MAT2B: variants seen among roughly 807,000 people sequenced by gnomAD.
MAT2B encodes the protein methionine adenosyltransferase 2 non-catalytic beta subunit, also known as methionine adenosyltransferase 2 subunit beta.
In MAT2B, 16 loss-of-function variants were observed where a neutral mutation model predicts 36.1. The ratio of observed to expected loss-of-function variants is 0.44; its 90% CI spans 0.30 to 0.67. The LOEUF is 0.67. MAT2B is among the 30% of genes least tolerant of loss of function. The pLI is 0.09. For synonymous variants in MAT2B, 148 were observed against 136.9 expected (o/e 1.08, Z -0.57); for missense variants, 332 against 398.2 (o/e 0.83, Z 1.42).
chr5:163,513,535 C>A lies in MAT2B; in HGVS notation c.259-20C>A. 1.5e-6 allele frequency: 2 copies of A among 1,378,880 alleles called. No homozygotes were observed. Among genetic ancestry groups the A allele is most frequent in the Non-Finnish European group, 2.0e-6 (2 of 977,534 alleles). 85.4% of individuals were successfully genotyped at this position (1,378,880 alleles called of 1,614,324 possible). ...TTCATTTTATTTTGAGTTAAAAATA[C>A]GTCAATGCTTAACTTCTAGCCCCAT... is the stretch of plus-strand genomic sequence containing the variant. On this transcript the variant is annotated intron_variant, in intron 2 of 6. Coordinates refer to ENST00000321757, the MANE Select transcript of MAT2B (RefSeq NM_013283.5).
chr5:163,512,942 A>G, intron 2 of MAT2B: 1 of 234,350 alleles, frequency 4.3e-6, no homozygotes, highest in South Asian at 4.3e-5. Context: ...CAGCCTTCCA[A>G]AGTGCTGGGA....
At chr5:163,516,783 T>G (rs780630662) in intron 5 of MAT2B, 72 bp downstream of exon 5, 1 of 1,541,250 alleles carries the variant, frequency 6.5e-7, no homozygotes, top group Non-Finnish European at 8.9e-7. Context: ...CTTTCACAGC[T>G]GTACTTGGAG....
chr5:163,517,997 A>C, intron 6 of MAT2B, 196 bp from the exon 7 acceptor site: 1 of 524,206 alleles, frequency 1.9e-6, no homozygotes, highest in East Asian at 3.0e-5. Context: ...TCATGCCTGT[A>C]ATCCCAACAC....
At chr5:163,508,918 G>C (rs1331942078) in intron 1 of MAT2B, among the ~76,000 whole-genome samples, 6 of 152,176 alleles carry the variant, frequency 3.9e-5, no homozygotes. Flanking sequence ...ACATGTTATA[G>C]GCCGGGCGTA....
intron 4 of MAT2B, 98 bp from the exon 5 acceptor site, chr5:163,516,420 G>C: frequency 1.1e-6 from 1 of 945,758 alleles, no homozygotes; most frequent in Non-Finnish European, 1.6e-6. Context: ...AAAAGGCAAG[G>C]TTTCTACTTT....
At position 163,513,991 on chromosome 5, in the gene MAT2B, C is replaced by T. The variant is rs1288285321; in HGVS notation, c.523C>T (p.Leu175=). The stretch of plus-strand genomic sequence containing the variant: ...AGAAAAGGCTGTCCTGGAGAACAAT[C>T]TAGGTAAGACCTAATCTATTTAGCC... The part of the protein sequence containing the change: ...DGEKAVLENN[L]GAAVLRIPIL... The change falls in exon 4 of 7, where the codon CTA becomes TTA. Residue 175 remains leucine (L), a synonymous_variant. Transcript: ENST00000321757. 6.2e-7 allele frequency: 1 copy of T among 1,611,146 alleles called. No homozygotes were observed. The highest frequency in any genetic ancestry group is 1.1e-5 in the South Asian group (1 of 90,412).
upstream of MAT2B, chr5:163,505,568 C>T: frequency 8.0e-7 from 1 of 1,245,762 alleles, no homozygotes; most frequent in Middle Eastern, 2.9e-4. Flanking sequence ...CCGGAAGCGG[C>T]GAGCGGGGTC....
In MAT2B at chr5:163,518,455, CT is replaced by C; in HGVS notation, c.*95del. 2 of 1,047,632 alleles carry C rather than the reference CT, an allele frequency of 1.9e-6. No individual in the cohort carries two copies. The highest frequency in any genetic ancestry group is 2.7e-6 in the Non-Finnish European group (2 of 737,648). 64.9% of individuals were successfully genotyped at this position (1,047,632 alleles called of 1,614,324 possible). A position where few individuals can be genotyped will look rare whatever the true frequency, so the allele number is the denominator to read the frequency against. On this transcript the variant is annotated 3_prime_UTR_variant, in exon 7 of 7. Transcript: ENST00000321757. ...CAAAGGAAATAGTTTTGTATGAGTA[CT>C]TTAATTGTGACTCTTAGGATCTTTC... is the stretch of plus-strand genomic sequence containing the variant.
rs777768452 is a variant in MAT2B at position 163,516,645 on chromosome 5, G to C, written c.654G>C (p.Gln218His). 11 of 1,614,088 alleles carry C rather than the reference G, an allele frequency of 6.8e-6. No individual in the cohort carries two copies. The East Asian group carries it at 2.2e-4, about 33-fold the overall frequency. Reference protein sequence around the residue: ...NKSANMDHWQQRFPTHVKDVA... With the variant: ...NKSANMDHWQHRFPTHVKDVA... ...CAGCAAACATGGATCACTGGCAGCA[G>C]AGGTTCCCCACACATGTCAAAGATG... The change falls in exon 5 of 7, where the codon CAG (glutamine) becomes CAC (histidine). Residue 218 changes from glutamine (Q) to histidine (H), a missense_variant. By Grantham distance (24) the Gln-to-His change is conservative. Coordinates refer to ENST00000321757, the MANE Select transcript of MAT2B (RefSeq NM_013283.5).
At chr5:163,514,821 A>C (rs1279933687) in intron 4 of MAT2B, among the ~76,000 whole-genome samples, 1 of 152,222 alleles carries the variant, frequency 6.6e-6, no homozygotes, top group Non-Finnish European at 1.5e-5. Context: ...TTCTTGTATT[A>C]TAAATTATTC....
At chr5:163,505,011 C>T (rs776607896), upstream of MAT2B, among the ~76,000 whole-genome samples, 61 of 151,404 alleles carry the variant, frequency 4.0e-4, no homozygotes, top group Middle Eastern at 0.01. Flanking sequence ...GTTCATCTTC[C>T]TTCCCCCTAC....
upstream of MAT2B, chr5:163,503,330 C>T: frequency 2.0e-6 from 3 of 1,499,476 alleles, no homozygotes; most frequent in Middle Eastern, 1.7e-4. Context: ...GAACAAAGAC[C>T]CAGCAAGAGA....
At chr5:163,512,326 T>G (rs1441785476) in intron 2 of MAT2B, 130 bp downstream of exon 2, 1 of 788,010 alleles carries the variant, frequency 1.3e-6, no homozygotes, top group African/African-American at 1.7e-5. Context: ...GCAGTAGCAT[T>G]TTTTTCATTT....
At chr5:163,504,310 A>G (rs1759893830), upstream of MAT2B, among the ~76,000 whole-genome samples, 1 of 135,744 alleles carries the variant, frequency 7.4e-6, no homozygotes, top group Admixed American at 8.1e-5. Flanking sequence ...AAACTAATGA[A>G]CAGTAATAGC....
intron 1 of MAT2B, among the ~76,000 whole-genome samples, chr5:163,509,651 T>A (rs1426831417): frequency 6.6e-6 from 1 of 152,218 alleles, no homozygotes; most frequent in Non-Finnish European, 1.5e-5. Flanking sequence ...AAATTATCTC[T>A]CTTTTAGAGT....
chr5:163,510,807 C>A (rs1760027191), intron 1 of MAT2B, among the ~76,000 whole-genome samples: 1 of 151,976 alleles, frequency 6.6e-6, no homozygotes, highest in Admixed American at 6.6e-5. Flanking sequence ...TTTTTTCCTC[C>A]TCGTATATTC....
chr5:163,515,570 T>G (rs897322010), intron 4 of MAT2B, among the ~76,000 whole-genome samples: 1 of 152,172 alleles, frequency 6.6e-6, no homozygotes, highest in South Asian at 2.1e-4. Flanking sequence ...CAAATCTATT[T>G]AGGAATTTTC....
intron 4 of MAT2B, 132 bp from the exon 5 acceptor site, chr5:163,516,386 G>C (rs1187236607): frequency 5.8e-6 from 4 of 694,836 alleles, no homozygotes; most frequent in Non-Finnish European, 9.7e-6. Flanking sequence ...CAAGTGAGCT[G>C]TGTCATTTTG....
At chr5:163,511,794 C>T (rs1366147450) in intron 1 of MAT2B, among the ~76,000 whole-genome samples, 1 of 152,126 alleles carries the variant, frequency 6.6e-6, no homozygotes, top group African/African-American at 2.4e-5. Flanking sequence ...CTCAGCGGAG[C>T]TGCCTGCCTC....
Sources: allele counts gnomAD v4.1 joint callset (sites outside exome capture counted in the v4.1 genomes callset), GRCh38; gene constraint gnomAD v4.1.1; transcripts MANE v1.5; gene names NCBI Gene and HGNC (gene_info 2026-07-23, HGNC 2026-07-21).